The following MDGA2 variants were observed in gnomAD, a reference collection of about 807,000 sequenced individuals.
MDGA2 encodes MAM domain containing glycosylphosphatidylinositol anchor 2.
A neutral mutation model predicts 117.8 loss-of-function variants in MDGA2; 40 were observed. The observed-to-expected ratio is 0.34, with a 90% CI of 0.26 to 0.44. The LOEUF is 0.44. Among genes scored for constraint, MDGA2 ranks in the 20% least tolerant of loss-of-function variants. The pLI, the probability that MDGA2 is intolerant of heterozygous loss-of-function variation, is 1.00. For synonymous variants in MDGA2, 452 were observed against 439.0 expected, an observed-to-expected ratio of 1.03 and a Z score of -0.37; for missense variants, 1,123 against 1,250.6, an observed-to-expected ratio of 0.90 and a Z score of 1.54.
intron 8 of MDGA2, among the ~76,000 whole-genome samples, chr14:47,013,504 A>G (rs747663141): frequency 5.3e-5 from 8 of 151,846 alleles, no homozygotes; most frequent in Non-Finnish European, 8.8e-5. Flanking sequence ...AAGGGTTGAA[A>G]TCAACTTCTT....
chr14:47,055,681 A>T (rs535616479), intron 7 of MDGA2, among the ~76,000 whole-genome samples: 6 of 152,286 alleles, frequency 3.9e-5, no homozygotes, highest in Admixed American at 1.3e-4. Context: ...TCAAAAGTGT[A>T]GGTTTGAGGT....
intron 9 of MDGA2, among the ~76,000 whole-genome samples, chr14:46,921,151 G>A (rs746726062): frequency 6.6e-6 from 1 of 151,934 alleles, no homozygotes; most frequent in Non-Finnish European, 1.5e-5. Flanking sequence ...ATTGTCCTAC[G>A]TATTAAGAAC....
chr14:47,103,582 A>C (rs1363628330), intron 5 of MDGA2, among the ~76,000 whole-genome samples: 1 of 152,250 alleles, frequency 6.6e-6, no homozygotes, highest in East Asian at 1.9e-4. Flanking sequence ...TTAATGTAGG[A>C]GTAAACTTTT....
chr14:47,006,999 C>T (rs574352661), intron 8 of MDGA2, among the ~76,000 whole-genome samples: 1 of 151,878 alleles, frequency 6.6e-6, no homozygotes, highest in Non-Finnish European at 1.5e-5. Context: ...ATTACCTCCA[C>T]AAATTTATGT....
intron 1 of MDGA2, among the ~76,000 whole-genome samples, chr14:47,508,342 T>C (rs1276692794): frequency 6.9e-6 from 1 of 144,142 alleles, no homozygotes; most frequent in African/African-American, 2.6e-5. Context: ...ATTTCCTAAT[T>C]TGCTGATTGA....
At chr14:47,484,985 C>CAAAAG (rs950890654) in intron 1 of MDGA2, among the ~76,000 whole-genome samples, 1 of 152,064 alleles carries the variant, frequency 6.6e-6, no homozygotes, top group African/African-American at 2.4e-5. Flanking sequence ...AGCATGAAAA[C>CAAAAG]AGACTAATAC....
At chr14:47,247,081 A>G (rs1283105626) in intron 2 of MDGA2, among the ~76,000 whole-genome samples, 1 of 151,786 alleles carries the variant, frequency 6.6e-6, no homozygotes, top group East Asian at 1.9e-4. Context: ...TGTTAAGGCT[A>G]TACTTCAGGC....
intron 3 of MDGA2, among the ~76,000 whole-genome samples, chr14:47,167,649 C>T (rs1396180661): frequency 6.6e-6 from 1 of 151,992 alleles, no homozygotes; most frequent in Non-Finnish European, 1.5e-5. Flanking sequence ...TATTAGATTA[C>T]AAGAGTTAAA....
chr14:47,606,471 T>A (rs1372251343), intron 1 of MDGA2, among the ~76,000 whole-genome samples: 2 of 152,198 alleles, frequency 1.3e-5, no homozygotes, highest in African/African-American at 4.8e-5. Context: ...TTTAAATGTA[T>A]TTATTATATT....
At chr14:47,582,196 T>A (rs1483267652) in intron 1 of MDGA2, among the ~76,000 whole-genome samples, 1 of 151,802 alleles carries the variant, frequency 6.6e-6, no homozygotes, top group Non-Finnish European at 1.5e-5. Flanking sequence ...CACACACTGC[T>A]CTTAAAGGTC....
intron 1 of MDGA2, among the ~76,000 whole-genome samples, chr14:47,654,458 C>T (rs778562421): frequency 3.9e-5 from 6 of 152,008 alleles, no homozygotes; most frequent in African/African-American, 1.2e-4. Flanking sequence ...TAATAACTAA[C>T]GGTAAGTCAC....
chr14:47,336,800 A>T (rs1386175896), intron 1 of MDGA2, among the ~76,000 whole-genome samples: 4 of 151,904 alleles, frequency 2.6e-5, no homozygotes, highest in South Asian at 4.1e-4. Context: ...TTATTTATTT[A>T]TTTTTTATTT....
intron 1 of MDGA2, among the ~76,000 whole-genome samples, chr14:47,672,726 G>C (rs1176263077): frequency 6.6e-6 from 1 of 152,208 alleles, no homozygotes; most frequent in Non-Finnish European, 1.5e-5. Flanking sequence ...GGCATGGGAT[G>C]AGAAGAATTC....
intron 9 of MDGA2, among the ~76,000 whole-genome samples, chr14:46,938,373 T>C (rs1884860832): frequency 6.6e-6 from 1 of 150,890 alleles, no homozygotes; most frequent in African/African-American, 2.4e-5. Context: ...ACCCCTTCTC[T>C]ACTAAAAATA....
intron 5 of MDGA2, among the ~76,000 whole-genome samples, chr14:47,124,996 T>A (rs1881827560): frequency 6.6e-6 from 1 of 152,162 alleles, no homozygotes. Flanking sequence ...GACATCATCA[T>A]ACGTATACCA....
At chr14:47,229,941 A>G (rs1253280445) in intron 2 of MDGA2, among the ~76,000 whole-genome samples, 1 of 152,026 alleles carries the variant, frequency 6.6e-6, no homozygotes, top group Non-Finnish European at 1.5e-5. Flanking sequence ...ACACTTAATA[A>G]TCAATATTGA....
intron 4 of MDGA2, among the ~76,000 whole-genome samples, chr14:47,139,982 C>A (rs1158903790): frequency 1.3e-5 from 2 of 150,440 alleles, no homozygotes; most frequent in African/African-American, 2.4e-5. Flanking sequence ...GAAAGAGTAA[C>A]CCAATATGGA....
At chr14:46,945,079 C>T (rs1885126029) in intron 9 of MDGA2, among the ~76,000 whole-genome samples, 1 of 152,038 alleles carries the variant, frequency 6.6e-6, no homozygotes, top group African/African-American at 2.4e-5. Context: ...GGACTGTGCT[C>T]TCTTTCACCC....
intron 1 of MDGA2, among the ~76,000 whole-genome samples, chr14:47,330,571 A>G: frequency 6.6e-6 from 1 of 151,918 alleles, no homozygotes; most frequent in Admixed American, 6.6e-5. Context: ...AAATATACAG[A>G]GGATATGTCT....
Sources: allele counts gnomAD v4.1 joint callset (sites outside exome capture counted in the v4.1 genomes callset), GRCh38; gene constraint gnomAD v4.1.1; transcripts MANE v1.5; gene names NCBI Gene and HGNC (gene_info 2026-07-23, HGNC 2026-07-21).